ST8SIA5: variants seen among roughly 807,000 people sequenced by gnomAD.
ST8SIA5 encodes ST8 alpha-N-acetyl-neuraminide alpha-2,8-sialyltransferase 5, also known as alpha-2,8-sialyltransferase 8E.
A neutral mutation model predicts 40.2 loss-of-function variants in ST8SIA5; 24 were observed. That is an observed-to-expected ratio of 0.60 (90% CI 0.43 to 0.84). The LOEUF is 0.84. Among genes scored for constraint, ST8SIA5 ranks in the 40% least tolerant of loss-of-function variants. The pLI is 0.00. For missense variants in ST8SIA5, 465 were observed against 498.5 expected (o/e 0.93, Z 0.64); for synonymous variants, 198 against 201.8 (o/e 0.98, Z 0.16).
chr18:46,744,529 T>C (rs1206133642), intron 1 of ST8SIA5, among the ~76,000 whole-genome samples: 1 of 152,064 alleles, frequency 6.6e-6, no homozygotes, highest in Non-Finnish European at 1.5e-5. Flanking sequence ...CCTAAATAGA[T>C]ATGCACCCAA....
rs547815658 is a variant in ST8SIA5 at position 46,718,153 on chromosome 18, A to T, written c.132-13489T>A. 4.5e-4 allele frequency among the ~76,000 whole-genome samples: 69 copies of T among 152,178 alleles called. 1 individual carries two copies. The Middle Eastern group carries it at 0.014, about 30-fold the overall frequency. Reference sequence around the variant, plus strand: ...AGACAAGCCTGGCCAACACAGTGAAACCCCGTCTCTACTAAAAATTACAAA... The same window carrying T: ...AGACAAGCCTGGCCAACACAGTGAATCCCCGTCTCTACTAAAAATTACAAA... On this transcript the variant is annotated intron_variant, in intron 1 of 6. Coordinates refer to ENST00000315087, the MANE Select transcript of ST8SIA5 (RefSeq NM_013305.6).
intron 1 of ST8SIA5, among the ~76,000 whole-genome samples, chr18:46,743,058 G>A (rs2040102844): frequency 6.6e-6 from 1 of 152,210 alleles, no homozygotes; most frequent in South Asian, 2.1e-4. Flanking sequence ...AACGCCATTT[G>A]TAGGTCACCA....
chr18:46,715,583 C>A lies in ST8SIA5; in HGVS notation c.132-10919G>T, dbSNP rs4890337. Among the ~76,000 whole-genome samples the A allele has an allele frequency of 6.0e-5, 9 of 149,886 alleles. No homozygotes were observed. The South Asian group carries it at 1.9e-3, about 32-fold the overall frequency. ...TTTTTTTTTTTAATTTTTTGAGATA[C>A]GGTCTTACTCTGTCACCCAGGCTGG... is the stretch of plus-strand genomic sequence containing the variant. On this transcript the variant is annotated intron_variant, in intron 1 of 6. Coordinates refer to ENST00000315087, the MANE Select transcript of ST8SIA5 (RefSeq NM_013305.6).
intron 1 of ST8SIA5, among the ~76,000 whole-genome samples, chr18:46,733,244 A>C (rs754914601): frequency 5.9e-5 from 9 of 152,200 alleles, no homozygotes; most frequent in Non-Finnish European, 7.3e-5. Context: ...TTTAAAAATG[A>C]GCCATTTCTT....
chr18:46,687,725 G>A (rs17778405), intron 4 of ST8SIA5, among the ~76,000 whole-genome samples: 25,426 of 152,106 alleles, frequency 0.17, 2,544 homozygotes, highest in South Asian at 0.22. Flanking sequence ...GGAACTCTGG[G>A]CTTTGTTTCG....
intron 2 of ST8SIA5, among the ~76,000 whole-genome samples, chr18:46,696,795 A>G (rs1416054615): frequency 6.6e-6 from 1 of 152,260 alleles, no homozygotes; most frequent in African/African-American, 2.4e-5. Context: ...GGAATTAAAA[A>G]AGGTACAAGC....
Position 46,678,591 on chromosome 18 carries a change from C to T in ST8SIA5, c.*1451G>A, listed in dbSNP as rs533565578. ...TGCCTTTGTTTATCCTTATGTCTTCCTAAGTCCAACCACAGACCAAAGCAG... is the reference window on the plus strand; with the variant it reads ...TGCCTTTGTTTATCCTTATGTCTTCTTAAGTCCAACCACAGACCAAAGCAG... On this transcript the variant is annotated 3_prime_UTR_variant, in exon 7 of 7. Transcript: ENST00000315087. 2 of 152,332 alleles carry T rather than the reference C, an allele frequency of 1.3e-5. No homozygotes were observed. Among genetic ancestry groups the T allele is most frequent in the South Asian group, 2.1e-4 (1 of 4,828 alleles). 9.4% of individuals were successfully genotyped at this position (152,332 alleles called of 1,614,324 possible).
chr18:46,722,430 G>A (rs561422961), intron 1 of ST8SIA5, among the ~76,000 whole-genome samples: 1 of 152,356 alleles, frequency 6.6e-6, no homozygotes, highest in East Asian at 1.9e-4. Flanking sequence ...GTGCCTGAAA[G>A]TCTGCTTACT....
In ST8SIA5 at chr18:46,732,524, C is replaced by A. The variant is rs115299506; in HGVS notation, c.131+23854G>T. On this transcript the variant is annotated intron_variant, in intron 1 of 6. Transcript: ENST00000315087. The stretch of plus-strand genomic sequence containing the variant: ...CTATCCTCACACTGGCCCAGGTGAG[C>A]GCATTCCAGGGCCCTGCCTGTCACC... Among the ~76,000 whole-genome samples the A allele has an allele frequency of 9.2e-3, 1,403 of 152,286 alleles. 19 individuals are homozygous for A. The highest frequency in any genetic ancestry group is 0.028 in the African/African-American group (1,155 of 41,554).
In ST8SIA5 at chr18:46,668,018, T is replaced by C. The variant is rs2039285306; in HGVS notation, c.*12024A>G. The C allele has an allele frequency of 6.6e-6, 1 of 152,072 alleles. No individual in the cohort carries two copies. The highest frequency in any genetic ancestry group is 2.4e-5 in the African/African-American group (1 of 41,364). 9.4% of individuals were successfully genotyped at this position (152,072 alleles called of 1,614,324 possible). A position where few individuals can be genotyped will look rare whatever the true frequency, so the allele number is the denominator to read the frequency against. On this transcript the variant is annotated 3_prime_UTR_variant, in exon 7 of 7. Transcript: ENST00000315087. ...ATAAACCACTGCTCCCAGAACAAAA[T>C]TTGCATAAAAATAAGATCAGGCCTG... is the stretch of plus-strand genomic sequence containing the variant.
chr18:46,693,820 G>A (rs555062481), intron 2 of ST8SIA5, among the ~76,000 whole-genome samples: 265 of 152,206 alleles, frequency 1.7e-3, no homozygotes, highest in Middle Eastern at 6.8e-3. Flanking sequence ...CCCTCTTTCA[G>A]CAGTGCCTAA....
chr18:46,712,571 G>A (rs1240053569), intron 1 of ST8SIA5, among the ~76,000 whole-genome samples: 1 of 152,106 alleles, frequency 6.6e-6, no homozygotes, highest in Admixed American at 6.5e-5. Context: ...GCAGCCCCTG[G>A]GCACTCCTCC....
chr18:46,702,520 G>A (rs891703117), intron 2 of ST8SIA5, among the ~76,000 whole-genome samples: 10 of 152,102 alleles, frequency 6.6e-5, no homozygotes, highest in African/African-American at 1.4e-4. Flanking sequence ...TGTCTTCCCC[G>A]CCGGCATTCG....
chr18:46,734,406 C>T (rs1418850299), intron 1 of ST8SIA5, among the ~76,000 whole-genome samples: 2 of 152,042 alleles, frequency 1.3e-5, no homozygotes, highest in Non-Finnish European at 2.9e-5. Context: ...CACCTCCCCC[C>T]ACCCCTGCTC....
chr18:46,717,220 G>T (rs1348776796), intron 1 of ST8SIA5, among the ~76,000 whole-genome samples: 1 of 152,226 alleles, frequency 6.6e-6, no homozygotes, highest in African/African-American at 2.4e-5. Flanking sequence ...TGACCATGGA[G>T]GACAAGTACC....
intron 1 of ST8SIA5, among the ~76,000 whole-genome samples, chr18:46,751,539 G>A: frequency 6.6e-6 from 1 of 151,854 alleles, no homozygotes; most frequent in Non-Finnish European, 1.5e-5. Flanking sequence ...TGGGATTACA[G>A]GTGTGTGCCA....
intron 1 of ST8SIA5, among the ~76,000 whole-genome samples, chr18:46,740,247 C>G (rs993949365): frequency 2.0e-5 from 3 of 152,078 alleles, no homozygotes; most frequent in African/African-American, 7.2e-5. Flanking sequence ...TCATGCTTCC[C>G]TTGTAATGGC....
intron 4 of ST8SIA5, among the ~76,000 whole-genome samples, chr18:46,688,380 G>A (rs1236472402): frequency 6.6e-6 from 1 of 152,188 alleles, no homozygotes; most frequent in Non-Finnish European, 1.5e-5. Flanking sequence ...TCAGAGTCTA[G>A]ATCTGCACTG....
chr18:46,694,781 A>G (rs2039540205), intron 2 of ST8SIA5, among the ~76,000 whole-genome samples: 1 of 151,946 alleles, frequency 6.6e-6, no homozygotes, highest in Non-Finnish European at 1.5e-5. Context: ...ACCCACGTGC[A>G]TATCTTTGGG....
Sources: gnomAD v4.1 joint callset for allele counts (sites outside exome capture counted in the v4.1 genomes callset) on GRCh38, gnomAD v4.1.1 for gene constraint, MANE v1.5 for transcripts, NCBI Gene and HGNC (gene_info 2026-07-23, HGNC 2026-07-21) for gene names.